The following FBLN5 variants were observed in gnomAD, a reference collection of about 807,000 sequenced individuals.
FBLN5 encodes the protein fibulin-5.
FBLN5 carries 24 observed loss-of-function variants against 61.6 expected under a neutral mutation model. That is an observed-to-expected ratio of 0.39 (90% CI 0.28 to 0.55). The LOEUF is 0.55. Ranked by LOEUF, FBLN5 falls within the 20% of genes least tolerant of loss-of-function variation. The probability of loss-of-function intolerance (pLI) is 0.65; values close to 1 mark genes in which losing one functional copy is unlikely to be tolerated. For missense variants in FBLN5, 470 were observed against 594.1 expected (o/e 0.79, Z 2.17); for synonymous variants, 213 against 219.8 (o/e 0.97, Z 0.27).
chr14:91,912,687 G>C (rs530383862), intron 4 of FBLN5, among the ~76,000 whole-genome samples: 1 of 151,782 alleles, frequency 6.6e-6, no homozygotes, highest in Admixed American at 6.6e-5. Flanking sequence ...GTGTGCACCC[G>C]TGGTCCCAGC....
chr14:91,916,308 C>T (rs571839843), intron 4 of FBLN5, among the ~76,000 whole-genome samples: 1 of 152,118 alleles, frequency 6.6e-6, no homozygotes, highest in Non-Finnish European at 1.5e-5. Context: ...ATTAGCCAGG[C>T]CTGGTGGCCG....
In FBLN5 at chr14:91,891,201, T is replaced by A. The variant is rs1310525436; in HGVS notation, c.619+20A>T. 1 of 1,377,578 alleles carries A rather than the reference T, an allele frequency of 7.3e-7. No homozygotes were observed. The highest frequency in any genetic ancestry group is 1.7e-5 in the Admixed American group (1 of 59,696). The allele number at this position is 1,377,578 out of a possible 1,614,324, so 85.3% of individuals were successfully genotyped here. On this transcript the variant is annotated intron_variant, in intron 6 of 10. Transcript: ENST00000342058. ...GCTAGTGTCTCACATCATGTCCAAG[T>A]TATCATGCACGTCACATACCTTGGC...
Position 91,940,605 on chromosome 14 carries a change from C to G in FBLN5, c.84G>C (p.Thr28=), listed in dbSNP as rs769640233. 2 of 1,613,990 alleles carry G rather than the reference C, an allele frequency of 1.2e-6. No individual in the cohort carries two copies. The highest frequency in any genetic ancestry group is 2.2e-5 in the East Asian group (1 of 44,882). Residue 28 remains threonine, a synonymous_variant, in exon 3 of 11, where the codon ACG becomes ACC. Coordinates refer to ENST00000342058, the MANE Select transcript of FBLN5 (RefSeq NM_006329.4). ...PSPGNAQAQC[T]NGFDLDRQSG... ...ACTGGCGATCCAGGTCAAAGCCATT[C>G]GTGCACTGTGCCTGCAGGGAAGGAG...
chr14:91,924,814 T>C (rs1595338211), intron 4 of FBLN5, among the ~76,000 whole-genome samples: 1 of 152,310 alleles, frequency 6.6e-6, no homozygotes, highest in East Asian at 1.9e-4. Context: ...GAGTCCACTC[T>C]GAGCTCTCAG....
chr14:91,880,122 G>A (rs1026983271), intron 9 of FBLN5, among the ~76,000 whole-genome samples: 2 of 152,128 alleles, frequency 1.3e-5, no homozygotes, highest in African/African-American at 4.8e-5. Flanking sequence ...CCAAGATGAC[G>A]TCAGAAACTT....
In FBLN5 at chr14:91,895,060, C is replaced by A; in HGVS notation, c.392G>T (p.Cys131Phe). The stretch of plus-strand genomic sequence containing the variant: ...GTTGCACTGGTGGGAATCTGTTGCA[C>A]ACTCGTCCACATCTGTAATACAGAC... ...ESNQCVDVDE[C>F]ATDSHQCNPT... Residue 131 changes from cysteine to phenylalanine, a missense_variant, in exon 5 of 11, where the codon TGT (cysteine) becomes TTT (phenylalanine). Transcript: ENST00000342058. 1 of 1,614,152 alleles carries A rather than the reference C, an allele frequency of 6.2e-7. No homozygotes were observed. The highest frequency in any genetic ancestry group is 8.5e-7 in the Non-Finnish European group (1 of 1,180,000).
chr14:91,892,978 C>T (rs952675930), intron 5 of FBLN5, among the ~76,000 whole-genome samples: 28 of 151,908 alleles, frequency 1.8e-4, no homozygotes, highest in African/African-American at 6.3e-4. Context: ...TCCATGCTCC[C>T]AGGAAGAGAA....
chr14:91,901,407 C>CA (rs2139993415), intron 4 of FBLN5, among the ~76,000 whole-genome samples: 1 of 152,186 alleles, frequency 6.6e-6, no homozygotes, highest in East Asian at 1.9e-4. Context: ...TTGGATATGG[C>CA]AAAAATCATT....
At chr14:91,927,784 G>A (rs2055854072) in intron 4 of FBLN5, among the ~76,000 whole-genome samples, 1 of 152,232 alleles carries the variant, frequency 6.6e-6, no homozygotes, top group African/African-American at 2.4e-5. Flanking sequence ...GAATGGTCCT[G>A]CCATTAAAAA....
At chr14:91,924,871 G>A (rs932277064) in intron 4 of FBLN5, among the ~76,000 whole-genome samples, 1 of 152,128 alleles carries the variant, frequency 6.6e-6, no homozygotes, top group African/African-American at 2.4e-5. Context: ...TGTCCCCACG[G>A]AGAAGGCCAC....
At chr14:91,925,270 G>A (rs1240737125) in intron 4 of FBLN5, among the ~76,000 whole-genome samples, 1 of 152,216 alleles carries the variant, frequency 6.6e-6, no homozygotes, top group Non-Finnish European at 1.5e-5. Flanking sequence ...GCCTGCAGCA[G>A]GGCCCAGCAC....
In FBLN5 at chr14:91,893,893, T is replaced by C. The variant is rs140648095; in HGVS notation, c.502+1057A>G. On this transcript the variant is annotated intron_variant, in intron 5 of 10. Transcript: ENST00000342058. ...AAGACAGGGTGTTGAAAGGAACTGA[T>C]GTAAGATCAGGATCTACTGATCCAC... Among the ~76,000 whole-genome samples the C allele has an allele frequency of 4.5e-4, 68 of 152,338 alleles. 1 individual carries two copies. Among genetic ancestry groups the C allele is most frequent in the African/African-American group, 1.6e-3 (67 of 41,582 alleles).
intron 4 of FBLN5, among the ~76,000 whole-genome samples, chr14:91,922,743 G>A (rs538042836): frequency 2.6e-4 from 39 of 152,334 alleles, no homozygotes; most frequent in African/African-American, 9.4e-4. Context: ...TTCCTAAGGA[G>A]CTTGTGTTTT....
chr14:91,909,935 A>G (rs1012513636), intron 4 of FBLN5, among the ~76,000 whole-genome samples: 3 of 152,252 alleles, frequency 2.0e-5, no homozygotes, highest in South Asian at 2.1e-4. Flanking sequence ...GGAATGTAAA[A>G]TTGGGTAGCC....
chr14:91,875,722 G>C (rs1023684520), intron 10 of FBLN5, among the ~76,000 whole-genome samples: 2 of 152,248 alleles, frequency 1.3e-5, no homozygotes, highest in Non-Finnish European at 2.9e-5. Context: ...CCATTACCGG[G>C]AGGGTGACAA....
chr14:91,942,143 T>C (rs2056115331), intron 2 of FBLN5: 1 of 455,866 alleles, frequency 2.2e-6, no homozygotes, highest in Non-Finnish European at 4.4e-6. Flanking sequence ...TCTGCCCACA[T>C]TTCAGGGCTG....
chr14:91,870,628 C>A (rs1475720400), intron 10 of FBLN5, among the ~76,000 whole-genome samples: 1 of 152,228 alleles, frequency 6.6e-6, no homozygotes, highest in African/African-American at 2.4e-5. Context: ...TAAGTCAGGT[C>A]CCCCTGCGAC....
At position 91,915,898 on chromosome 14, in the gene FBLN5, C is replaced by T. The variant is rs150216423; in HGVS notation, c.380-20826G>A. On this transcript the variant is annotated intron_variant, in intron 4 of 10. Transcript: ENST00000342058. ...GAAAAGGAACAATATCTCACTCTAT[C>T]AAGCTTATATGTGGACACCAAAACT... Among the ~76,000 whole-genome samples the T allele has an allele frequency of 6.9e-3, 1,042 of 152,104 alleles. 2 individuals carry two copies. Among genetic ancestry groups the T allele is most frequent in the Non-Finnish European group, 8.8e-3 (599 of 67,998 alleles).
intron 4 of FBLN5, among the ~76,000 whole-genome samples, chr14:91,897,162 A>G (rs1428106084): frequency 6.6e-6 from 1 of 150,648 alleles, no homozygotes; most frequent in Non-Finnish European, 1.5e-5. Flanking sequence ...GGCAGCCTCC[A>G]CTCCACCCTG....
Sources: allele counts gnomAD v4.1 joint callset (sites outside exome capture counted in the v4.1 genomes callset), GRCh38; gene constraint gnomAD v4.1.1; transcripts MANE v1.5; gene names NCBI Gene and HGNC (gene_info 2026-07-23, HGNC 2026-07-21).